Variants in CYB5R4 observed in about 807,000 individuals in gnomAD.
CYB5R4 encodes cytochrome b5 reductase 4, also known as N-terminal cytochrome b5 and cytochrome b5 oxidoreductase domain-containing protein.
In CYB5R4, 55 loss-of-function variants were observed where a neutral mutation model predicts 70.2. The ratio of observed to expected loss-of-function variants is 0.78; its 90% CI spans 0.63 to 0.98. CYB5R4 has a LOEUF of 0.98. Ranked by LOEUF, CYB5R4 falls within the 50% of genes least tolerant of loss-of-function variation. The pLI, the probability that CYB5R4 is intolerant of heterozygous loss-of-function variation, is 0.00. For synonymous variants in CYB5R4, 197 were observed against 199.5 expected (o/e 0.99, Z 0.11); for missense variants, 562 against 612.6 (o/e 0.92, Z 0.87).
chr6:83,954,271 C>T (rs1001110380), intron 14 of CYB5R4, among the ~76,000 whole-genome samples: 7 of 152,076 alleles, frequency 4.6e-5, no homozygotes, highest in African/African-American at 1.4e-4. Context: ...CTTTTCTCAG[C>T]GTATGAAAAG....
chr6:83,908,720 A>G (rs1254304667), intron 3 of CYB5R4, among the ~76,000 whole-genome samples: 1 of 152,178 alleles, frequency 6.6e-6, no homozygotes, highest in Non-Finnish European at 1.5e-5. Context: ...ACTGAAAAAA[A>G]AGTGAGTAAC....
rs557108029 is a variant in CYB5R4 at position 83,948,978 on chromosome 6, C to T, written c.1347-6320C>T. Among the ~76,000 whole-genome samples the T allele has an allele frequency of 2.0e-5, 3 of 152,160 alleles. No individual in the cohort carries two copies. In the South Asian group the frequency reaches 6.2e-4, roughly 32 times the overall value. ...GCTGTTCCTTCTCTTTCTCTTCTTG[C>T]TCTCCCTTGCTGGCTTGGGTGTGCT... On this transcript the variant is annotated intron_variant, in intron 14 of 15. Coordinates refer to ENST00000369681, the MANE Select transcript of CYB5R4 (RefSeq NM_016230.4).
At chr6:83,882,685 A>T (rs2099459644) in intron 2 of CYB5R4, among the ~76,000 whole-genome samples, 1 of 152,178 alleles carries the variant, frequency 6.6e-6, no homozygotes. Flanking sequence ...TAAGTAAGTA[A>T]GTAAAAGAAT....
intron 9 of CYB5R4, 86 bp downstream of exon 9, chr6:83,922,556 A>G (rs2099466547): frequency 9.9e-6 from 9 of 908,622 alleles, no homozygotes; most frequent in East Asian, 2.5e-5. Flanking sequence ...TTGAAAAATT[A>G]GCATTTGTTT....
chr6:83,952,438 G>T (rs2099471694), intron 14 of CYB5R4, among the ~76,000 whole-genome samples: 1 of 152,132 alleles, frequency 6.6e-6, no homozygotes, highest in South Asian at 2.1e-4. Flanking sequence ...AGAGCTTCAT[G>T]GAAGAAGGGG....
At chr6:83,940,265 A>G in intron 13 of CYB5R4, 59 bp downstream of exon 13, 1 of 1,458,676 alleles carries the variant, frequency 6.9e-7, no homozygotes. Context: ...AGTATAAGGT[A>G]TTCTAAATTG....
rs113498692 is a variant in CYB5R4 at position 83,892,553 on chromosome 6, T to C, written c.230-969T>C. Reference sequence around the variant, plus strand: ...CTTGGGAGAGCTGTGCATTGAGATATTTTGTGTTTGTTGTTCCCTATTCCT... The same window carrying C: ...CTTGGGAGAGCTGTGCATTGAGATACTTTGTGTTTGTTGTTCCCTATTCCT... On this transcript the variant is annotated intron_variant, in intron 2 of 15. Coordinates refer to ENST00000369681, the MANE Select transcript of CYB5R4 (RefSeq NM_016230.4). 4.6e-3 allele frequency among the ~76,000 whole-genome samples: 699 copies of C among 152,290 alleles called. 3 individuals are homozygous for C. Among genetic ancestry groups the C allele is most frequent in the African/African-American group, 0.016 (658 of 41,570 alleles).
In CYB5R4 at chr6:83,948,176, A is replaced by G. The variant is rs1189484747; in HGVS notation, c.1347-7122A>G. Among the ~76,000 whole-genome samples, 5 of 152,226 alleles carry G rather than the reference A, an allele frequency of 3.3e-5. No homozygotes were observed. In the East Asian group the frequency reaches 7.7e-4, roughly 23 times the overall value. On this transcript the variant is annotated intron_variant, in intron 14 of 15. Coordinates refer to ENST00000369681, the MANE Select transcript of CYB5R4 (RefSeq NM_016230.4). ...AAAATGTGGCACATTACACCATGGA[A>G]TACTATGCAGCCATAAAAAAGGATG...
chr6:83,965,256 C>T lies in CYB5R4; in HGVS notation c.*5378C>T, dbSNP rs1189467052. The T allele has an allele frequency of 1.3e-5, 2 of 152,358 alleles. No homozygotes were observed. Among genetic ancestry groups the T allele is most frequent in the African/African-American group, 2.4e-5 (1 of 41,466 alleles). The allele number at this position is 152,358 out of a possible 1,614,324, so 9.4% of individuals were successfully genotyped here. On this transcript the variant is annotated 3_prime_UTR_variant, in exon 16 of 16. Transcript: ENST00000369681. ...AAAAGCTGCAGATACTCAACACCAG[C>T]CCATGAAAGCAGCCAGGATGGAGGC...
intron 9 of CYB5R4, 143 bp from the exon 10 acceptor site, chr6:83,924,326 TA>T: frequency 1.4e-6 from 1 of 701,288 alleles, no homozygotes; most frequent in Non-Finnish European, 2.2e-6. Context: ...ATTGAATATG[TA>T]AGCAAAATCT....
At chr6:83,860,472 CTT>C (rs1357893948) in intron 1 of CYB5R4, among the ~76,000 whole-genome samples, 3 of 152,176 alleles carry the variant, frequency 2.0e-5, no homozygotes, top group African/African-American at 4.8e-5. Context: ...TAATAATACT[CTT>C]GAGTTCTTGT....
At chr6:83,895,175 T>C (rs2099461675) in intron 3 of CYB5R4, among the ~76,000 whole-genome samples, 1 of 152,120 alleles carries the variant, frequency 6.6e-6, no homozygotes, top group South Asian at 2.1e-4. Flanking sequence ...TGTCTGTCTG[T>C]GTATCTATGA....
chr6:83,892,659 A>T (rs2099461278), intron 2 of CYB5R4, among the ~76,000 whole-genome samples: 1 of 152,222 alleles, frequency 6.6e-6, no homozygotes, highest in African/African-American at 2.4e-5. Flanking sequence ...ATTCTGAATA[A>T]TAATCTTTGA....
At chr6:83,907,545 G>A (rs2099463994) in intron 3 of CYB5R4, among the ~76,000 whole-genome samples, 1 of 151,368 alleles carries the variant, frequency 6.6e-6, no homozygotes, top group Non-Finnish European at 1.5e-5. Flanking sequence ...GTAAACTCAT[G>A]TCATGAGGAT....
At chr6:83,914,295 G>A (rs2099465143) in intron 4 of CYB5R4, 121 bp from the exon 5 acceptor site, 3 of 1,087,872 alleles carry the variant, frequency 2.8e-6, no homozygotes, top group African/African-American at 3.3e-5. Flanking sequence ...CTCTCCTCAG[G>A]CCTTAGAAGA....
chr6:83,898,301 C>G lies in CYB5R4; in HGVS notation c.330+4679C>G, dbSNP rs1468486058. On this transcript the variant is annotated intron_variant, in intron 3 of 15. Transcript: ENST00000369681. ...ATATGTGGCATTAGTTCTGAGGGCT[C>G]TGTTCTGTTCCATTGGTCTATATCT... is the stretch of plus-strand genomic sequence containing the variant. 2.0e-5 allele frequency among the ~76,000 whole-genome samples: 3 copies of G among 152,086 alleles called. No homozygotes were observed. The East Asian group carries it at 5.8e-4, about 29-fold the overall frequency.
intron 10 of CYB5R4, among the ~76,000 whole-genome samples, chr6:83,928,260 TGGAATGAAACAGAGTATG>T (rs1458517933): frequency 6.6e-6 from 1 of 152,176 alleles, no homozygotes; most frequent in African/African-American, 2.4e-5. Flanking sequence ...TTTCAGGCAC[TGGAATGAAACAGAGTATG>T]GGAAATTTAG....
chr6:83,916,261 C>T (rs2099465495), intron 5 of CYB5R4, among the ~76,000 whole-genome samples: 1 of 151,950 alleles, frequency 6.6e-6, no homozygotes, highest in African/African-American at 2.4e-5. Context: ...GTACTGGCAC[C>T]GAGCTTAAGT....
chr6:83,913,980 A>G (rs1396190782), intron 4 of CYB5R4, among the ~76,000 whole-genome samples: 1 of 152,126 alleles, frequency 6.6e-6, no homozygotes, highest in African/African-American at 2.4e-5. Flanking sequence ...TATGCATTGA[A>G]CTCAGTAAAA....
Sources: gnomAD v4.1 joint callset for allele counts (sites outside exome capture counted in the v4.1 genomes callset) on GRCh38, gnomAD v4.1.1 for gene constraint, MANE v1.5 for transcripts, NCBI Gene and HGNC (gene_info 2026-07-23, HGNC 2026-07-21) for gene names.